The following TCF4 variants were observed in gnomAD, a reference collection of about 807,000 sequenced individuals.
The protein encoded by TCF4 is SL3-3 enhancer factor 2.
In TCF4, 3 loss-of-function variants were observed where a neutral mutation model predicts 82.1. That is an observed-to-expected ratio of 0.04 (90% CI 0.02 to 0.09). TCF4 has a LOEUF of 0.09. TCF4 is among the 10% of genes least tolerant of loss of function. The pLI, the probability that TCF4 is intolerant of heterozygous loss-of-function variation, is 1.00. For synonymous variants in TCF4, 276 were observed against 309.6 expected (o/e 0.89, Z 1.14); for missense variants, 518 against 852.7 (o/e 0.61, Z 4.89).
intron 6 of TCF4, among the ~76,000 whole-genome samples, chr18:55,391,659 G>A (rs1164013762): frequency 2.0e-5 from 3 of 151,988 alleles, no homozygotes; most frequent in African/African-American, 4.8e-5. Flanking sequence ...TCTGCCAGGC[G>A]CGGTGGTTCA....
At chr18:55,576,314 G>C (rs1456761934) in intron 3 of TCF4, among the ~76,000 whole-genome samples, 1 of 152,182 alleles carries the variant, frequency 6.6e-6, no homozygotes. Context: ...ATTTTGGGAA[G>C]TAGGGACACA....
At chr18:55,604,576 G>T (rs1365081968) in intron 2 of TCF4, among the ~76,000 whole-genome samples, 2 of 152,192 alleles carry the variant, frequency 1.3e-5, no homozygotes, top group Admixed American at 1.3e-4. Flanking sequence ...GTGAAATGTT[G>T]CAGGGATTCT....
At position 55,588,111 on chromosome 18, in the gene TCF4, A is replaced by G. The variant is rs1229165902; in HGVS notation, c.-94T>C. Reference sequence around the variant, plus strand: ...GCGTTCATGTCTAACCGCCGCCGCCACCGCCGCCGCCTGCTCCTGCGCCCG... The same window carrying G: ...GCGTTCATGTCTAACCGCCGCCGCCGCCGCCGCCGCCTGCTCCTGCGCCCG... On this transcript the variant is annotated 5_prime_UTR_variant, in exon 1 of 20. Transcript: ENST00000354452. The G allele has an allele frequency of 3.9e-6, 4 of 1,029,488 alleles. No homozygotes were observed. The South Asian group carries it at 1.3e-4, about 34-fold the overall frequency. The allele number at this position is 1,029,488 out of a possible 1,614,324, so 63.8% of individuals were successfully genotyped here. A position where few individuals can be genotyped will look rare whatever the true frequency, so the allele number is the denominator to read the frequency against.
At chr18:55,600,851 G>A (rs182271234) in intron 2 of TCF4, among the ~76,000 whole-genome samples, 3 of 152,086 alleles carry the variant, frequency 2.0e-5, no homozygotes, top group African/African-American at 7.2e-5. Context: ...TATTTCCTAC[G>A]CAATAGAGTG....
At chr18:55,375,766 A>G (rs1222004884) in intron 6 of TCF4, among the ~76,000 whole-genome samples, 1 of 152,176 alleles carries the variant, frequency 6.6e-6, no homozygotes, top group Non-Finnish European at 1.5e-5. Flanking sequence ...ACAAAAATAC[A>G]GTTTAGGAAA....
chr18:55,305,473 T>C (rs1196969253), intron 8 of TCF4, among the ~76,000 whole-genome samples: 6 of 152,204 alleles, frequency 3.9e-5, no homozygotes, highest in African/African-American at 1.2e-4. Context: ...TATTTAAACC[T>C]AATCTATTAC....
intron 3 of TCF4, among the ~76,000 whole-genome samples, chr18:55,501,931 G>C (rs148195688): frequency 5.9e-5 from 9 of 152,132 alleles, no homozygotes; most frequent in Non-Finnish European, 1.3e-4. Flanking sequence ...TAACAATGAA[G>C]TGGAGAAAGA....
intron 4 of TCF4, among the ~76,000 whole-genome samples, chr18:55,462,661 T>C (rs1698030567): frequency 6.6e-6 from 1 of 152,202 alleles, no homozygotes; most frequent in Non-Finnish European, 1.5e-5. Context: ...AAAAGTACCA[T>C]GTGTACTGAA....
intron 6 of TCF4, among the ~76,000 whole-genome samples, chr18:55,366,131 A>C (rs1477874113): frequency 6.6e-6 from 1 of 152,076 alleles, no homozygotes; most frequent in Admixed American, 6.6e-5. Context: ...GGGTTTAAAA[A>C]CCATGAAAAG....
At chr18:55,403,979 A>C in intron 5 of TCF4, 1 of 1,266,164 alleles carries the variant, frequency 7.9e-7, no homozygotes. Context: ...CAAAGAAACT[A>C]TTCAAAATTC....
intron 3 of TCF4, among the ~76,000 whole-genome samples, chr18:55,556,324 T>C (rs964960379): frequency 6.6e-6 from 1 of 152,222 alleles, no homozygotes; most frequent in Non-Finnish European, 1.5e-5. Context: ...TTATATTTGA[T>C]GAGACTAGAT....
chr18:55,614,429 A>G (rs2957260), intron 2 of TCF4, among the ~76,000 whole-genome samples: 152,096 of 152,334 alleles, frequency 1, 75,930 homozygotes, highest in Middle Eastern at 1. Flanking sequence ...CCACATCCCT[A>G]AAGCATAAGA....
chr18:55,475,177 C>T (rs1382416172), intron 3 of TCF4, among the ~76,000 whole-genome samples: 2 of 152,214 alleles, frequency 1.3e-5, no homozygotes, highest in African/African-American at 4.8e-5. Flanking sequence ...TCATGCACTG[C>T]ACTGAATTGT....
chr18:55,524,410 T>G (rs947457209), intron 3 of TCF4, among the ~76,000 whole-genome samples: 1 of 152,292 alleles, frequency 6.6e-6, no homozygotes, highest in South Asian at 2.1e-4. Flanking sequence ...ATAAAAACAT[T>G]CTTCAAACAT....
At chr18:55,601,719 G>T (rs952314972) in intron 2 of TCF4, among the ~76,000 whole-genome samples, 3 of 152,126 alleles carry the variant, frequency 2.0e-5, no homozygotes, top group African/African-American at 7.2e-5. Context: ...GGCAGGCAGA[G>T]GTTGCAGTGA....
intron 1 of TCF4, chr18:55,635,587 G>C: frequency 7.6e-7 from 1 of 1,317,540 alleles, no homozygotes; most frequent in Non-Finnish European, 1.0e-6. Context: ...AGATGTCAGG[G>C]AGAGAGGTTA....
chr18:55,332,255 T>A (rs1238655801), intron 8 of TCF4: 1 of 152,128 alleles, frequency 6.6e-6, no homozygotes, highest in Non-Finnish European at 1.5e-5. Context: ...CATTTCCACA[T>A]ATTTAACTTC....
At chr18:55,436,653 T>C (rs1387966887) in intron 5 of TCF4, among the ~76,000 whole-genome samples, 2 of 152,190 alleles carry the variant, frequency 1.3e-5, no homozygotes, top group Non-Finnish European at 2.9e-5. Context: ...GGGGACCTCA[T>C]AGGAGCCTAT....
chr18:55,616,184 A>C (rs993736973), intron 2 of TCF4, among the ~76,000 whole-genome samples: 1 of 152,080 alleles, frequency 6.6e-6, no homozygotes, highest in African/African-American at 2.4e-5. Context: ...TGCTTCTATG[A>C]ATGTAACCAT....
Sources: allele counts gnomAD v4.1 joint callset (sites outside exome capture counted in the v4.1 genomes callset), GRCh38; gene constraint gnomAD v4.1.1; transcripts MANE v1.5; gene names NCBI Gene and HGNC (gene_info 2026-07-23, HGNC 2026-07-21).